The following BMP8B variants were observed in gnomAD, a reference collection of about 807,000 sequenced individuals.
BMP8B encodes the protein bone morphogenetic protein 8b.
In BMP8B, 17 loss-of-function variants were observed where a neutral mutation model predicts 30.3. The observed-to-expected ratio is 0.56, with a 90% CI of 0.38 to 0.84. The LOEUF is 0.84. Among genes scored for constraint, BMP8B ranks in the 40% least tolerant of loss-of-function variants. The pLI, the probability that BMP8B is intolerant of heterozygous loss-of-function variation, is 0.00. For synonymous variants in BMP8B, 131 were observed against 214.7 expected, an observed-to-expected ratio of 0.61 and a Z score of 3.41; for missense variants, 253 against 494.6, an observed-to-expected ratio of 0.51 and a Z score of 4.63.
intron 3 of BMP8B, among the ~76,000 whole-genome samples, chr1:39,769,008 A>G (rs1315466540): frequency 6.7e-6 from 1 of 149,406 alleles, no homozygotes; most frequent in Non-Finnish European, 1.5e-5. Context: ...GTGAAACTCC[A>G]TTTCTATAAA....
chr1:39,764,085 C>T (rs1227906984), intron 4 of BMP8B, among the ~76,000 whole-genome samples: 1 of 150,896 alleles, frequency 6.6e-6, no homozygotes, highest in Non-Finnish European at 1.5e-5. Flanking sequence ...CTCGGCCATC[C>T]TGTGCCTCCT....
At position 39,763,386 on chromosome 1, in the gene BMP8B, C is replaced by CCCCTCCCCAGCTGGCCCTCCCCAGCCGG. The variant is rs1557472268; in HGVS notation, c.949-185_949-184insCCGGCTGGGGAGGGCCAGCTGGGGAGGG. The stretch of plus-strand genomic sequence containing the variant: ...CATCCCCCATATCTTCACTTTGCGT[C>CCCCTCCCCAGCTGGCCCTCCCCAGCCGG]CCCTCCCCAGCCGGCCCTCCCCTGC... On this transcript the variant is annotated intron_variant, in intron 5 of 6. Transcript: ENST00000372827. Among the ~76,000 whole-genome samples the CCCCTCCCCAGCTGGCCCTCCCCAGCCGG allele has an allele frequency of 4.4e-5, 6 of 137,340 alleles. 1 individual carries two copies. The highest frequency in any genetic ancestry group is 9.8e-5 in the Non-Finnish European group (6 of 61,510). The allele number at this position is 137,340 out of a possible 152,430, so 90.1% of individuals were successfully genotyped here.
At chr1:39,768,856 G>C (rs577621994) in intron 3 of BMP8B, among the ~76,000 whole-genome samples, 2 of 150,416 alleles carry the variant, frequency 1.3e-5, no homozygotes, top group South Asian at 4.3e-4. Flanking sequence ...GCGAGATTCT[G>C]TCTAAAAAAG....
At chr1:39,775,237 C>T (rs1327071505) in intron 1 of BMP8B, among the ~76,000 whole-genome samples, 199 bp from the exon 2 acceptor site, 2 of 152,170 alleles carry the variant, frequency 1.3e-5, no homozygotes, top group Non-Finnish European at 2.9e-5. Context: ...GCCAAGAGGC[C>T]CTGCAGCCAG....
chr1:39,780,343 C>T (rs1650544078), intron 1 of BMP8B, among the ~76,000 whole-genome samples: 2 of 152,244 alleles, frequency 1.3e-5, no homozygotes, highest in South Asian at 2.1e-4. Context: ...AAGGCCACAA[C>T]TGGAAGCATC....
intron 1 of BMP8B, among the ~76,000 whole-genome samples, chr1:39,783,099 A>C (rs951541715): frequency 1.3e-5 from 2 of 152,208 alleles, no homozygotes; most frequent in African/African-American, 4.8e-5. Context: ...AGATGAGGAA[A>C]CTGAGATGCC....
Position 39,788,594 on chromosome 1 carries a change from G to T in BMP8B, c.-109C>A. The T allele has an allele frequency of 1.1e-6, 1 of 951,294 alleles. No homozygotes were observed. Among genetic ancestry groups the T allele is most frequent in the Non-Finnish European group, 1.3e-6 (1 of 799,238 alleles). 58.9% of individuals were successfully genotyped at this position (951,294 alleles called of 1,614,324 possible). A position where few individuals can be genotyped will look rare whatever the true frequency, so the allele number is the denominator to read the frequency against. The stretch of plus-strand genomic sequence containing the variant: ...GGCAAGGAGGCTGGGCTCGGCGGGC[G>T]GCGGGCGGCGGGGCGGGGCGGGACG... On this transcript the variant is annotated 5_prime_UTR_variant, in exon 1 of 7. Transcript: ENST00000372827. This position sits in a 1 kb window ranked among gnomAD's most constrained non-coding sequence, Gnocchi z 5.8.
In BMP8B at chr1:39,763,190, C is replaced by A; in HGVS notation, c.961G>T (p.Ala321Ser). 6.2e-7 allele frequency: 1 copy of A among 1,612,594 alleles called. No individual in the cohort carries two copies. The highest frequency in any genetic ancestry group is 8.5e-7 in the Non-Finnish European group (1 of 1,179,336). ...QDLGWLDWVIAPQGYSAYYCE... is the reference protein window; with the variant it reads ...QDLGWLDWVISPQGYSAYYCE... ...TAATAGGCCGAGTAGCCTTGGGGAG[C>A]GATGACCCAGTCCTGGGGGGCAAGG... Residue 321 changes from alanine (A) to serine (S), a missense_variant, in exon 6 of 7, where the codon GCT (alanine) becomes TCT (serine). Physicochemically the swap from Ala to Ser is moderately conservative, Grantham distance 99. This residue lies in a region of BMP8B where 116 missense variants were observed against 142.3 expected (regional missense o/e 0.81). Coordinates refer to ENST00000372827, the MANE Select transcript of BMP8B (RefSeq NM_001720.5).
At chr1:39,775,117 C>T in intron 1 of BMP8B, 79 bp from the exon 2 acceptor site, 1 of 1,567,256 alleles carries the variant, frequency 6.4e-7, no homozygotes, top group Non-Finnish European at 8.7e-7. Context: ...TGAGCCACCG[C>T]CCCCAGCCAC....
At chr1:39,761,832 G>C (rs899316351) in intron 6 of BMP8B, among the ~76,000 whole-genome samples, 3 of 152,216 alleles carry the variant, frequency 2.0e-5, no homozygotes, top group African/African-American at 7.2e-5. Context: ...CACCTCCACG[G>C]TTGTTTTGCT....
intron 3 of BMP8B, among the ~76,000 whole-genome samples, chr1:39,768,267 G>A (rs1434205885): frequency 7.1e-6 from 1 of 140,268 alleles, no homozygotes; most frequent in Non-Finnish European, 1.5e-5. Context: ...ATGAAGCTGA[G>A]AAAACTCATC....
At chr1:39,769,862 C>G (rs749210713) in intron 3 of BMP8B, 1 of 1,611,490 alleles carries the variant, frequency 6.2e-7, no homozygotes, top group Non-Finnish European at 8.5e-7. Context: ...GGTGATGATG[C>G]GGTCCACGCA....
In BMP8B at chr1:39,788,563, C is replaced by T; in HGVS notation, c.-78G>A. 20 of 989,490 alleles carry T rather than the reference C, an allele frequency of 2.0e-5. No individual in the cohort carries two copies. Among genetic ancestry groups the T allele is most frequent in the Non-Finnish European group, 2.4e-5 (20 of 833,100 alleles). The allele number at this position is 989,490 out of a possible 1,614,324, so 61.3% of individuals were successfully genotyped here. ...CGGCCGACCCAGGGCCTGGGGACGC[C>T]CCGACGGCAAGGAGGCTGGGCTCGG... On this transcript the variant is annotated 5_prime_UTR_variant, in exon 1 of 7. Coordinates refer to ENST00000372827, the MANE Select transcript of BMP8B (RefSeq NM_001720.5). This position sits in a 1 kb window ranked among gnomAD's most constrained non-coding sequence, Gnocchi z 5.8.
chr1:39,781,331 T>G (rs1030780255), intron 1 of BMP8B, among the ~76,000 whole-genome samples: 3 of 152,160 alleles, frequency 2.0e-5, no homozygotes, highest in Non-Finnish European at 4.4e-5. Context: ...GAGCCAGCAG[T>G]TAAAGGAAAT....
At position 39,770,571 on chromosome 1, in the gene BMP8B, T is replaced by C. The variant is rs1403508730; in HGVS notation, c.673+3737A>G. 2.1e-5 allele frequency: 34 copies of C among 1,606,326 alleles called. 1 individual carries two copies. Among genetic ancestry groups the C allele is most frequent in the Non-Finnish European group, 2.6e-5 (31 of 1,177,996 alleles). ...GCTTTGCACATGGGCACGTTGAAAT[T>C]GCGGGCGCTTCTCCTGAAGACCACG... On this transcript the variant is annotated intron_variant, in intron 3 of 6. Coordinates refer to ENST00000372827, the MANE Select transcript of BMP8B (RefSeq NM_001720.5).
rs766497493 is a variant in BMP8B at position 39,758,299 on chromosome 1, C to G, written c.*2120G>C. The G allele has an allele frequency of 2.6e-5, 4 of 152,254 alleles. No homozygotes were observed. The highest frequency in any genetic ancestry group is 9.6e-5 in the African/African-American group (4 of 41,460). The allele number at this position is 152,254 out of a possible 1,614,324, so 9.4% of individuals were successfully genotyped here. On this transcript the variant is annotated 3_prime_UTR_variant, in exon 7 of 7. Transcript: ENST00000372827. ...AGGCTGAAGTGCAATGTTGTGATCT[C>G]TGCTCACTGCAACCTCCACCTCCCA...
At chr1:39,777,081 G>A (rs550935718) in intron 1 of BMP8B, among the ~76,000 whole-genome samples, 3 of 152,192 alleles carry the variant, frequency 2.0e-5, no homozygotes, top group Non-Finnish European at 2.9e-5. Context: ...TCTCTCAGGC[G>A]TTGCTGATAG....
chr1:39,762,676 C>G, intron 6 of BMP8B: 1 of 1,513,260 alleles, frequency 6.6e-7, no homozygotes, highest in East Asian at 2.5e-5. Flanking sequence ...ACGCACACCC[C>G]ACACACTGTG....
intron 1 of BMP8B, among the ~76,000 whole-genome samples, chr1:39,785,410 C>G (rs933363754): frequency 6.6e-6 from 1 of 151,474 alleles, no homozygotes; most frequent in East Asian, 2.0e-4. Context: ...GCTCTGACCC[C>G]AGCCCTGGCC....
Sources: allele counts gnomAD v4.1 joint callset (sites outside exome capture counted in the v4.1 genomes callset), GRCh38; gene constraint gnomAD v4.1.1; regional missense constraint gnomAD v4.1.1; non-coding constraint Gnocchi (gnomAD v3.1); transcripts MANE v1.5; gene names NCBI Gene and HGNC (gene_info 2026-07-23, HGNC 2026-07-21).